Variants in NRXN3 observed in about 807,000 individuals in gnomAD.
The protein encoded by NRXN3 is neurexin III.
NRXN3 carries 32 observed loss-of-function variants against 137.6 expected under a neutral mutation model. That is an observed-to-expected ratio of 0.23 (90% CI 0.18 to 0.31). NRXN3 has a LOEUF of 0.31. Among genes scored for constraint, NRXN3 ranks in the 10% least tolerant of loss-of-function variants. The pLI is 1.00. For missense variants in NRXN3, 1,574 were observed against 2,062.5 expected (o/e 0.76, Z 4.59); for synonymous variants, 798 against 784.5 (o/e 1.02, Z -0.29).
intron 16 of NRXN3, among the ~76,000 whole-genome samples, chr14:79,600,921 G>T (rs1368062074): frequency 1.3e-5 from 2 of 151,922 alleles, no homozygotes; most frequent in Non-Finnish European, 2.9e-5. Context: ...TGGTATGAAA[G>T]GAAGGAAGAA....
chr14:78,355,350 CTT>C (rs5809878), intron 4 of NRXN3, among the ~76,000 whole-genome samples: 315 of 148,318 alleles, frequency 2.1e-3, no homozygotes, highest in South Asian at 8.2e-3. Context: ...ACCATATTGA[CTT>C]TTTTTTTTTT....
intron 16 of NRXN3, among the ~76,000 whole-genome samples, chr14:79,483,021 G>A (rs950957036): frequency 4.6e-5 from 7 of 152,198 alleles, no homozygotes; most frequent in African/African-American, 9.7e-5. Flanking sequence ...AGCTGTGTGT[G>A]CACATTAAAC....
chr14:78,438,762 T>C (rs1029614993), intron 4 of NRXN3, among the ~76,000 whole-genome samples: 1 of 151,520 alleles, frequency 6.6e-6, no homozygotes, highest in Non-Finnish European at 1.5e-5. Context: ...GAAAGAGGCA[T>C]AGGAAAAGTA....
chr14:78,472,443 A>G (rs1007068324), intron 4 of NRXN3, among the ~76,000 whole-genome samples: 1 of 152,138 alleles, frequency 6.6e-6, no homozygotes, highest in Non-Finnish European at 1.5e-5. Context: ...ACCAAACACC[A>G]TTTTGTTCTT....
chr14:78,644,558 C>G (rs1013617700), intron 4 of NRXN3, among the ~76,000 whole-genome samples: 1 of 152,180 alleles, frequency 6.6e-6, no homozygotes, highest in African/African-American at 2.4e-5. Flanking sequence ...TCAGGTCCAA[C>G]CTCCTACTTA....
chr14:79,363,983 G>A (rs940383686), intron 15 of NRXN3, among the ~76,000 whole-genome samples: 4 of 152,174 alleles, frequency 2.6e-5, no homozygotes, highest in South Asian at 2.1e-4. Context: ...AGAATAATGG[G>A]TGCTTGGGGT....
At chr14:79,239,941 A>G (rs2074010536) in intron 15 of NRXN3, among the ~76,000 whole-genome samples, 2 of 152,208 alleles carry the variant, frequency 1.3e-5, no homozygotes, top group South Asian at 2.1e-4. Flanking sequence ...AGTTTCACTT[A>G]TGTGGAATCC....
intron 19 of NRXN3, among the ~76,000 whole-genome samples, chr14:79,742,328 C>G (rs546840234): frequency 6.6e-6 from 1 of 152,202 alleles, no homozygotes; most frequent in South Asian, 2.1e-4. Context: ...GATGATTGCC[C>G]TATGATTACC....
chr14:79,215,188 T>A (rs2153228734), intron 15 of NRXN3, among the ~76,000 whole-genome samples: 2 of 152,334 alleles, frequency 1.3e-5, no homozygotes, highest in South Asian at 4.1e-4. Flanking sequence ...TTGTAGTTAT[T>A]GTCACTTTCC....
In NRXN3 at chr14:79,437,201, T is replaced by C. The variant is rs76069763; in HGVS notation, c.3263-30020T>C. ...CAAATTCTGAGCTGCTTATACGTTC[T>C]TTCCCTTCATGGTGTTTTATACCTC... On this transcript the variant is annotated intron_variant, in intron 15 of 20. Transcript: ENST00000335750. 7.8e-3 allele frequency among the ~76,000 whole-genome samples: 1,194 copies of C among 152,264 alleles called. 9 individuals are homozygous for C. Among genetic ancestry groups the C allele is most frequent in the African/African-American group, 0.027 (1,125 of 41,538 alleles).
rs571402561 is a variant in NRXN3, at chr14:78,651,123, G to T, written c.1060-42G>T. On this transcript the variant is annotated intron_variant, in intron 5 of 20. Transcript: ENST00000335750. ...CACTGGGTTATGATAGGATCGTAAGGTCATTGTTGGGATTTTTTTTGTCCC... is the reference window on the plus strand; with the variant it reads ...CACTGGGTTATGATAGGATCGTAAGTTCATTGTTGGGATTTTTTTTGTCCC... 571 of 1,596,764 alleles carry T rather than the reference G, an allele frequency of 3.6e-4. 5 individuals are homozygous for T. The highest frequency in any genetic ancestry group is 3.2e-3 in the South Asian group (286 of 90,122).
chr14:78,974,583 C>A (rs778589899), intron 14 of NRXN3, among the ~76,000 whole-genome samples: 2 of 152,130 alleles, frequency 1.3e-5, no homozygotes, highest in Non-Finnish European at 2.9e-5. Context: ...TGGAAGCTGT[C>A]TAGGCATCAA....
At chr14:79,160,977 A>G (rs765278589) in intron 15 of NRXN3, among the ~76,000 whole-genome samples, 3 of 151,990 alleles carry the variant, frequency 2.0e-5, no homozygotes, top group Non-Finnish European at 4.4e-5. Flanking sequence ...GAATCTATGG[A>G]AAAGGAATCT....
At chr14:78,782,860 T>C (rs1300358483) in intron 8 of NRXN3, among the ~76,000 whole-genome samples, 2 of 152,176 alleles carry the variant, frequency 1.3e-5, no homozygotes, top group Non-Finnish European at 2.9e-5. Flanking sequence ...CTAGTAGAGA[T>C]ACATATGTGT....
chr14:78,685,163 A>G (rs1567054977), intron 6 of NRXN3, among the ~76,000 whole-genome samples: 1 of 152,214 alleles, frequency 6.6e-6, no homozygotes, highest in Admixed American at 6.5e-5. Context: ...GCTGTATGTG[A>G]CATCCTAGCC....
intron 15 of NRXN3, among the ~76,000 whole-genome samples, chr14:79,315,876 G>A (rs989943185): frequency 2.6e-5 from 4 of 152,100 alleles, no homozygotes; most frequent in Non-Finnish European, 5.9e-5. Flanking sequence ...TTCTTAATAT[G>A]GACAATTATT....
intron 15 of NRXN3, among the ~76,000 whole-genome samples, chr14:79,123,818 G>A (rs1371364502): frequency 1.3e-5 from 2 of 152,158 alleles, no homozygotes; most frequent in Non-Finnish European, 2.9e-5. Flanking sequence ...GGCCAGGTAA[G>A]CAAAGTTGTG....
At chr14:78,769,163 G>T (rs2152993662) in intron 8 of NRXN3, among the ~76,000 whole-genome samples, 1 of 152,302 alleles carries the variant, frequency 6.6e-6, no homozygotes, top group South Asian at 2.1e-4. Flanking sequence ...AATAACAAAA[G>T]ACACTCTCCT....
chr14:79,337,074 G>A lies in NRXN3; in HGVS notation c.3263-130147G>A, dbSNP rs564873358. ...AAGATGTTTTTCGTCCAATTCTGTC[G>A]TATATTTCTATTCCCTAGATTTAAA... On this transcript the variant is annotated intron_variant, in intron 15 of 20. Coordinates refer to ENST00000335750, the MANE Select transcript of NRXN3 (RefSeq NM_001330195.2). Among the ~76,000 whole-genome samples the A allele has an allele frequency of 7.9e-5, 12 of 152,170 alleles. No homozygotes were observed. The South Asian group carries it at 8.3e-4, about 11-fold the overall frequency.
Sources: gnomAD v4.1 joint callset for allele counts (sites outside exome capture counted in the v4.1 genomes callset) on GRCh38, gnomAD v4.1.1 for gene constraint, MANE v1.5 for transcripts, NCBI Gene and HGNC (gene_info 2026-07-23, HGNC 2026-07-21) for gene names.